Variants in CNGA3 observed in about 807,000 individuals in gnomAD.
CNGA3 encodes cyclic nucleotide-gated channel alpha-3.
In CNGA3, 42 loss-of-function variants were observed where a neutral mutation model predicts 46.6. That is an observed-to-expected ratio of 0.90 (90% CI 0.70 to 1.17). The LOEUF is 1.17. CNGA3 is among the 50% of genes most tolerant of loss of function. The pLI is 0.00. For synonymous variants in CNGA3, 394 were observed against 369.4 expected (o/e 1.07, Z -0.76); for missense variants, 893 against 890.7 (o/e 1.00, Z -0.03).
In CNGA3 at chr2:98,379,295, C is replaced by T. The variant is rs146420279; in HGVS notation, c.216-880C>T. ...GTATGTGACAATTCATAGCTTAGTTCCAGGTTGTTCAGTACTGACTCTGGC... is the reference window on the plus strand; with the variant it reads ...GTATGTGACAATTCATAGCTTAGTTTCAGGTTGTTCAGTACTGACTCTGGC... On this transcript the variant is annotated intron_variant, in intron 3 of 7. Coordinates refer to ENST00000272602, the MANE Select transcript of CNGA3 (RefSeq NM_001298.3). Among the ~76,000 whole-genome samples, 476 of 152,314 alleles carry T rather than the reference C, an allele frequency of 3.1e-3. 2 individuals are homozygous for T. The highest frequency in any genetic ancestry group is 0.011 in the African/African-American group (449 of 41,572).
intron 5 of CNGA3, among the ~76,000 whole-genome samples, chr2:98,387,537 C>T (rs1335265284): frequency 1.3e-5 from 2 of 152,178 alleles, no homozygotes; most frequent in Non-Finnish European, 2.9e-5. Flanking sequence ...TATAAGAGTT[C>T]CTAGCTCTTA....
chr2:98,372,510 C>T (rs1213128633), intron 2 of CNGA3, among the ~76,000 whole-genome samples: 2 of 152,150 alleles, frequency 1.3e-5, no homozygotes, highest in Non-Finnish European at 2.9e-5. Flanking sequence ...CCTTCCTTTG[C>T]ACTTTCTGTG....
intron 1 of CNGA3, among the ~76,000 whole-genome samples, chr2:98,362,139 C>T (rs1439032366): frequency 7.3e-6 from 1 of 136,552 alleles, no homozygotes; most frequent in African/African-American, 2.7e-5. Flanking sequence ...TAAATGTCTT[C>T]TTTTGAGAAG....
Position 98,383,408 on chromosome 2 carries a change from G to C in CNGA3, c.416G>C (p.Cys139Ser). ...RGRSAWPLAK[C>S]NTNTSNNTEE... ...CGCAGCGCCTGGCCCCTGGCCAAATGCAACACTAACACCAGCAACAACACG... is the reference window on the plus strand; with the variant it reads ...CGCAGCGCCTGGCCCCTGGCCAAATCCAACACTAACACCAGCAACAACACG... The change falls in exon 5 of 8, where the codon TGC becomes TCC. Residue 139 changes from cysteine (C) to serine (S), a missense_variant. Physicochemically the swap from Cys to Ser is moderately radical, Grantham distance 112. Transcript: ENST00000272602. The C allele has an allele frequency of 6.2e-7, 1 of 1,614,174 alleles. No individual in the cohort carries two copies. Among genetic ancestry groups the C allele is most frequent in the East Asian group, 2.2e-5 (1 of 44,878 alleles).
At chr2:98,378,251 G>A in intron 3 of CNGA3, 1 of 1,537,070 alleles carries the variant, frequency 6.5e-7, no homozygotes, top group Non-Finnish European at 8.8e-7. Flanking sequence ...GCATTTGTTT[G>A]CAAGATTAGT....
chr2:98,359,050 G>C (rs1691958478), intron 1 of CNGA3, among the ~76,000 whole-genome samples: 1 of 152,202 alleles, frequency 6.6e-6, no homozygotes, highest in South Asian at 2.1e-4. Context: ...CAAGGAACAG[G>C]AGTAGGGGTC....
chr2:98,389,536 G>A (rs746568637), intron 5 of CNGA3, 122 bp from the exon 6 acceptor site: 12 of 846,126 alleles, frequency 1.4e-5, no homozygotes, highest in Non-Finnish European at 2.2e-5. Context: ...GAGACTAAGA[G>A]GACCCTGTTG....
rs367575427 is a variant in CNGA3 at position 98,377,713 on chromosome 2, C to T, written c.128C>T (p.Ser43Leu). 102 of 1,613,434 alleles carry T rather than the reference C, an allele frequency of 6.3e-5. No homozygotes were observed. Among genetic ancestry groups the T allele is most frequent in the South Asian group, 2.2e-4 (20 of 90,960 alleles). ...SRAHSSSEETSSVLQPGIAME... is the reference protein window; with the variant it reads ...SRAHSSSEETLSVLQPGIAME... Reference sequence around the variant, plus strand: ...GCCCACTCGTCAAGTGAGGAGACATCGTCAGTGCTGCAGCCGGGGATCGCC... The same window carrying T: ...GCCCACTCGTCAAGTGAGGAGACATTGTCAGTGCTGCAGCCGGGGATCGCC... The change falls in exon 3 of 8, where the codon TCG becomes TTG. Residue 43 changes from serine (S) to leucine (L), a missense_variant. Physicochemically the swap from Ser to Leu is moderately radical, Grantham distance 145. This residue lies in a region of CNGA3 where 333 missense variants were observed against 290.8 expected (regional missense o/e 1.15). Transcript: ENST00000272602.
rs1692077841 is a variant in CNGA3 at position 98,363,421 on chromosome 2, G to A, written c.-37-6518G>A. On this transcript the variant is annotated intron_variant, in intron 1 of 7. Transcript: ENST00000272602. ...ACTCTCTTTGTAGAAATTTTGAGTG[G>A]AAATTCATTCATGATTTAGCTCTTT... 3.9e-5 allele frequency among the ~76,000 whole-genome samples: 6 copies of A among 152,142 alleles called. No homozygotes were observed. The South Asian group carries it at 1.0e-3, about 26-fold the overall frequency.
At chr2:98,352,479 C>T (rs1163899952) in intron 1 of CNGA3, among the ~76,000 whole-genome samples, 4 of 152,216 alleles carry the variant, frequency 2.6e-5, no homozygotes, top group African/African-American at 9.6e-5. Flanking sequence ...AAAGTGGCTA[C>T]ATCATTTACA....
chr2:98,388,944 T>C (rs896031390), intron 5 of CNGA3, among the ~76,000 whole-genome samples: 1 of 152,224 alleles, frequency 6.6e-6, no homozygotes, highest in Non-Finnish European at 1.5e-5. Flanking sequence ...AGGGGACACA[T>C]GGACCCAACA....
At chr2:98,382,265 C>T (rs1268034020) in intron 4 of CNGA3, among the ~76,000 whole-genome samples, 1 of 152,186 alleles carries the variant, frequency 6.6e-6, no homozygotes, top group Admixed American at 6.5e-5. Context: ...CAGACAGGTC[C>T]TAGTTCTCCT....
chr2:98,363,295 C>T (rs1692075301), intron 1 of CNGA3, among the ~76,000 whole-genome samples: 1 of 152,092 alleles, frequency 6.6e-6, no homozygotes, highest in Non-Finnish European at 1.5e-5. Context: ...GCATGGAATG[C>T]TTTTCCATTT....
rs574524324 is a variant in CNGA3 at position 98,386,433 on chromosome 2, T to C, written c.449+2992T>C. On this transcript the variant is annotated intron_variant, in intron 5 of 7. Coordinates refer to ENST00000272602, the MANE Select transcript of CNGA3 (RefSeq NM_001298.3). ...TGCTGTGAATAAGTCTCACGAGATC[T>C]GATGGTTTTGTAAAGGGGAGTTCCC... Among the ~76,000 whole-genome samples the C allele has an allele frequency of 4.6e-5, 7 of 152,324 alleles. No homozygotes were observed. The South Asian group carries it at 1.2e-3, about 27-fold the overall frequency.
chr2:98,380,116 T>C, intron 3 of CNGA3, 59 bp from the exon 4 acceptor site: 1 of 1,571,330 alleles, frequency 6.4e-7, no homozygotes, highest in East Asian at 2.2e-5. Context: ...AAGACTGGGG[T>C]TTGGGGGTGT....
intron 1 of CNGA3, among the ~76,000 whole-genome samples, chr2:98,365,585 TC>T (rs1230716664): frequency 3.4e-5 from 5 of 144,952 alleles, no homozygotes; most frequent in Middle Eastern, 7.2e-3. Context: ...CCTGTAGTTC[TC>T]AGAGGTTTTG....
chr2:98,349,190 C>T (rs988104585), intron 1 of CNGA3, among the ~76,000 whole-genome samples: 3 of 151,932 alleles, frequency 2.0e-5, no homozygotes, highest in East Asian at 1.9e-4. Context: ...CTTCACCTGG[C>T]CTGAAAGGGA....
chr2:98,388,358 G>A (rs1336406432), intron 5 of CNGA3, among the ~76,000 whole-genome samples: 1 of 152,246 alleles, frequency 6.6e-6, no homozygotes, highest in African/African-American at 2.4e-5. Flanking sequence ...TGCCTCTAAA[G>A]ACGGGGTGCC....
intron 3 of CNGA3, chr2:98,379,938 G>T: frequency 5.1e-6 from 3 of 589,644 alleles, no homozygotes; most frequent in Non-Finnish European, 9.1e-6. Flanking sequence ...TTCCGGGGAA[G>T]CCTGCCCCTG....
Sources: gnomAD v4.1 joint callset for allele counts (sites outside exome capture counted in the v4.1 genomes callset) on GRCh38, gnomAD v4.1.1 for gene constraint, gnomAD v4.1.1 regional missense constraint, MANE v1.5 for transcripts, NCBI Gene and HGNC (gene_info 2026-07-23, HGNC 2026-07-21) for gene names.